The following RABGAP1L variants were observed in gnomAD, a reference collection of about 807,000 sequenced individuals.
RABGAP1L encodes the protein rab GTPase-activating protein 1-like.
A neutral mutation model predicts 137.7 loss-of-function variants in RABGAP1L; 63 were observed. The observed-to-expected ratio is 0.46, with a 90% CI of 0.37 to 0.56. The LOEUF is 0.56. Ranked by LOEUF, RABGAP1L falls within the 20% of genes least tolerant of loss-of-function variation. The pLI, the probability that RABGAP1L is intolerant of heterozygous loss-of-function variation, is 0.00. For synonymous variants in RABGAP1L, 431 were observed against 433.7 expected (o/e 0.99, Z 0.08); for missense variants, 1,095 against 1,244.0 (o/e 0.88, Z 1.80).
chr1:174,652,389 T>G (rs1193914479), intron 14 of RABGAP1L, among the ~76,000 whole-genome samples: 1 of 152,186 alleles, frequency 6.6e-6, no homozygotes, highest in African/African-American at 2.4e-5. Flanking sequence ...TGTTCTGGTT[T>G]TTGGAATTTT....
At chr1:174,716,961 G>C (rs1035419230) in intron 17 of RABGAP1L, among the ~76,000 whole-genome samples, 5 of 152,086 alleles carry the variant, frequency 3.3e-5, no homozygotes, top group African/African-American at 1.2e-4. Flanking sequence ...ACCCTACTTT[G>C]TAGACTCTAA....
In RABGAP1L at chr1:174,195,672, CCTTCTTTCCTT is replaced by C. The variant is rs1436869805; in HGVS notation, c.-33-23449_-33-23439del. Among the ~76,000 whole-genome samples, 368 of 72,390 alleles carry C rather than the reference CCTTCTTTCCTT, an allele frequency of 5.1e-3. 6 individuals are homozygous for C. The highest frequency in any genetic ancestry group is 0.051 in the East Asian group (103 of 2,034). The allele number at this position is 72,390 out of a possible 152,430, so 47.5% of individuals were successfully genotyped here. On this transcript the variant is annotated intron_variant, in intron 1 of 25. Transcript: ENST00000681986. ...TCCTTCCTTTCCTTTCCTTTCCTTT[CCTTCTTTCCTT>C]CTTTCCTTCTTTCCTTCTTTCCTTC...
intron 13 of RABGAP1L, among the ~76,000 whole-genome samples, chr1:174,571,292 G>A (rs1364597479): frequency 6.6e-6 from 1 of 152,094 alleles, no homozygotes; most frequent in Admixed American, 6.5e-5. Context: ...TGGGAGGCAG[G>A]GTTGCAGGGG....
chr1:174,957,280 T>C (rs547277605), intron 19 of RABGAP1L, among the ~76,000 whole-genome samples, 177 bp from the exon 20 acceptor site: 4 of 152,232 alleles, frequency 2.6e-5, no homozygotes, highest in Non-Finnish European at 5.9e-5. Context: ...AAATATATAC[T>C]GTCTGGACCT....
chr1:174,615,386 T>A (rs975555322), intron 13 of RABGAP1L, among the ~76,000 whole-genome samples: 2 of 152,232 alleles, frequency 1.3e-5, no homozygotes, highest in African/African-American at 4.8e-5. Flanking sequence ...GCTGCAGAAC[T>A]GCGGATTTTC....
intron 13 of RABGAP1L, among the ~76,000 whole-genome samples, chr1:174,412,280 A>G (rs981776313): frequency 6.6e-5 from 10 of 152,132 alleles, no homozygotes; most frequent in Admixed American, 5.2e-4. Context: ...ATATAAGAAC[A>G]GCCACCCTTG....
chr1:174,477,395 A>C (rs1658613409), intron 13 of RABGAP1L, among the ~76,000 whole-genome samples: 1 of 152,200 alleles, frequency 6.6e-6, no homozygotes, highest in South Asian at 2.1e-4. Context: ...TCAATGTTTA[A>C]CATTTAGGAC....
At chr1:174,722,585 G>A (rs1681654285) in intron 17 of RABGAP1L, among the ~76,000 whole-genome samples, 1 of 151,800 alleles carries the variant, frequency 6.6e-6, no homozygotes, top group Non-Finnish European at 1.5e-5. Flanking sequence ...AAGTGGCTGG[G>A]ATTACAGGCG....
chr1:174,567,205 A>C (rs904683039), intron 13 of RABGAP1L, among the ~76,000 whole-genome samples: 6 of 152,118 alleles, frequency 3.9e-5, no homozygotes, highest in African/African-American at 7.2e-5. Flanking sequence ...AGCCCCTGGT[A>C]ACCTACTCTA....
intron 13 of RABGAP1L, among the ~76,000 whole-genome samples, chr1:174,519,305 A>T (rs1255747889): frequency 6.6e-6 from 1 of 152,048 alleles, no homozygotes; most frequent in Non-Finnish European, 1.5e-5. Flanking sequence ...GCTGTCTGCA[A>T]GCTTGAGGAG....
chr1:174,645,338 A>AT (rs1674874379), intron 14 of RABGAP1L, among the ~76,000 whole-genome samples: 1 of 151,970 alleles, frequency 6.6e-6, no homozygotes, highest in Non-Finnish European at 1.5e-5. Context: ...GTAGCACCCA[A>AT]TCAACGTGTC....
chr1:174,213,895 G>A (rs1263014325), intron 1 of RABGAP1L, among the ~76,000 whole-genome samples: 2 of 152,168 alleles, frequency 1.3e-5, no homozygotes, highest in African/African-American at 4.8e-5. Context: ...TACTGAAGAA[G>A]GAAAAGCTGA....
chr1:174,895,118 G>T (rs1203412782), intron 19 of RABGAP1L, among the ~76,000 whole-genome samples: 4 of 152,124 alleles, frequency 2.6e-5, no homozygotes, highest in African/African-American at 9.7e-5. Flanking sequence ...CCCTTATCAG[G>T]TCAAAACATG....
intron 21 of RABGAP1L, among the ~76,000 whole-genome samples, chr1:174,969,603 C>A (rs886584756): frequency 2.0e-5 from 3 of 152,166 alleles, no homozygotes; most frequent in African/African-American, 7.2e-5. Context: ...TTTCTTTATA[C>A]CTCTAAACTC....
chr1:174,866,110 G>GGTGA (rs1157913092), intron 19 of RABGAP1L, among the ~76,000 whole-genome samples: 1 of 65,798 alleles, frequency 1.5e-5, no homozygotes, highest in Non-Finnish European at 2.8e-5. Flanking sequence ...GGAGGGAGGG[G>GGTGA]GAGAGAGAGA....
chr1:174,347,384 G>A (rs1288243441), intron 11 of RABGAP1L, among the ~76,000 whole-genome samples: 1 of 151,416 alleles, frequency 6.6e-6, no homozygotes, highest in Admixed American at 6.6e-5. Context: ...ATATATCTGG[G>A]TGCTCCAATG....
intron 13 of RABGAP1L, among the ~76,000 whole-genome samples, chr1:174,395,149 G>C (rs547377445): frequency 1.3e-5 from 2 of 152,212 alleles, no homozygotes; most frequent in East Asian, 3.9e-4. Flanking sequence ...CTTGGGTCCA[G>C]TGGCCACTGG....
At chr1:174,354,860 G>A (rs1683485914) in intron 11 of RABGAP1L, among the ~76,000 whole-genome samples, 1 of 152,176 alleles carries the variant, frequency 6.6e-6, no homozygotes, top group Non-Finnish European at 1.5e-5. Context: ...AAGGGATCCA[G>A]TTTCAACTTT....
chr1:174,917,948 AAAG>A (rs1224141939), intron 19 of RABGAP1L, among the ~76,000 whole-genome samples: 1 of 151,578 alleles, frequency 6.6e-6, no homozygotes, highest in Admixed American at 6.6e-5. Context: ...AAAAAAAAAA[AAAG>A]CCCAAAAAAC....
Sources: allele counts gnomAD v4.1 joint callset (sites outside exome capture counted in the v4.1 genomes callset), GRCh38; gene constraint gnomAD v4.1.1; transcripts MANE v1.5; gene names NCBI Gene and HGNC (gene_info 2026-07-23, HGNC 2026-07-21).